The following NDUFB5 variants were observed in gnomAD, a reference collection of about 807,000 sequenced individuals.
NDUFB5 encodes the protein NADH:ubiquinone oxidoreductase subunit B5.
Under a neutral mutation model 19.4 loss-of-function variants are expected in NDUFB5, and 19 were observed. The observed-to-expected ratio is 0.98, with a 90% CI of 0.68 to 1.43. The LOEUF (loss-of-function observed/expected upper bound fraction) is 1.43. NDUFB5 is among the 40% of genes most tolerant of loss of function. The pLI is 0.00. For synonymous variants in NDUFB5, 80 were observed against 82.6 expected (o/e 0.97, Z 0.17); for missense variants, 233 against 236.5 (o/e 0.99, Z 0.10).
intron 3 of NDUFB5, among the ~76,000 whole-genome samples, chr3:179,616,485 T>C (rs1293011623): frequency 6.6e-6 from 1 of 151,980 alleles, no homozygotes; most frequent in Non-Finnish European, 1.5e-5. Flanking sequence ...GAGGTTGCAG[T>C]GAGCTGAGAT....
chr3:179,615,381 T>C (rs1044530900), intron 2 of NDUFB5: 3 of 257,288 alleles, frequency 1.2e-5, no homozygotes, highest in Non-Finnish European at 2.4e-5. Context: ...AAAGAACTTG[T>C]TGAAAGACTT....
Position 179,618,440 on chromosome 3 carries a change from G to T in NDUFB5, c.368G>T (p.Arg123Leu). The T allele has an allele frequency of 6.2e-7, 1 of 1,608,308 alleles. No individual in the cohort carries two copies. Among genetic ancestry groups the T allele is most frequent in the Non-Finnish European group, 8.5e-7 (1 of 1,177,964 alleles). The part of the protein sequence containing the change: ...YKHPISRWIA[R>L]NFYDSPEKIY... ...CATCCCATATCAAGATGGATTGCCCGTAATTTCTATGATAGTCCTGAAAAG... is the reference window on the plus strand; with the variant it reads ...CATCCCATATCAAGATGGATTGCCCTTAATTTCTATGATAGTCCTGAAAAG... Residue 123 changes from arginine (R) to leucine (L), a missense_variant, in exon 5 of 6, where the codon CGT becomes CTT. By Grantham distance (102) the Arg-to-Leu change is moderately radical. Transcript: ENST00000259037.
rs1177504564 is a variant in NDUFB5, at chr3:179,618,533, G to A, written c.449+12G>A. ...AAGGCTGAATTACGGTAGGAAAAAC[G>A]AGGGGGTAGGTGGGAAAGAAAATCT... is the stretch of plus-strand genomic sequence containing the variant. On this transcript the variant is annotated intron_variant, in intron 5 of 5. Coordinates refer to ENST00000259037, the MANE Select transcript of NDUFB5 (RefSeq NM_002492.4). The A allele has an allele frequency of 1.1e-5, 18 of 1,570,564 alleles. No individual in the cohort carries two copies. Among genetic ancestry groups the A allele is most frequent in the Non-Finnish European group, 1.6e-5 (18 of 1,144,832 alleles).
At position 179,627,027 on chromosome 3, in the gene NDUFB5, T is replaced by C. The variant is rs1042842619; in HGVS notation, c.*2987T>C. 3 of 152,148 alleles carry C rather than the reference T, an allele frequency of 2.0e-5. No homozygotes were observed. Among genetic ancestry groups the C allele is most frequent in the South Asian group, 2.1e-4 (1 of 4,826 alleles). The allele number at this position is 152,148 out of a possible 1,614,324, so 9.4% of individuals were successfully genotyped here. The stretch of plus-strand genomic sequence containing the variant: ...AGTTCTGCAGACTGTACAGGAAGCA[T>C]GGCACCAGCATTGCTTGGCTTCTGG... On this transcript the variant is annotated 3_prime_UTR_variant, in exon 6 of 6. Coordinates refer to ENST00000259037, the MANE Select transcript of NDUFB5 (RefSeq NM_002492.4).
At position 179,604,937 on chromosome 3, in the gene NDUFB5, C is replaced by T. The variant is rs775577787; in HGVS notation, c.122C>T (p.Ala41Val). The T allele has an allele frequency of 1.3e-6, 2 of 1,581,378 alleles. No homozygotes were observed. Among genetic ancestry groups the T allele is most frequent in the Non-Finnish European group, 1.7e-6 (2 of 1,168,884 alleles). Reference sequence around the variant, plus strand: ...CTCACTCGTGGCTTTCCGAAGGCTGCTGGTGGGTGCTGGCCTAGGGAGAAC... The same window carrying T: ...CTCACTCGTGGCTTTCCGAAGGCTGTTGGTGGGTGCTGGCCTAGGGAGAAC... The part of the protein sequence containing the change: ...GFLTRGFPKA[A>V]APVRHSGDHG... The change falls in exon 1 of 6, where the codon GCT (alanine) becomes GTT (valine). Residue 41 changes from alanine (A) to valine (V), a missense_variant and splice_region_variant. By Grantham distance (64) the Ala-to-Val change is moderately conservative (BLOSUM62 0). Coordinates refer to ENST00000259037, the MANE Select transcript of NDUFB5 (RefSeq NM_002492.4).
chr3:179,604,871 C>G lies in NDUFB5; in HGVS notation c.56C>G (p.Ser19Cys), dbSNP rs951408761. 3.1e-6 allele frequency: 5 copies of G among 1,594,614 alleles called. No individual in the cohort carries two copies. The highest frequency in any genetic ancestry group is 4.3e-6 in the Non-Finnish European group (5 of 1,175,158). ...TCGGTTACTGCGGTGGCAGCTCTGT[C>G]TGGCCGGCCCCTTGGCACTCGCCTC... ...RVSVTAVAALSGRPLGTRLGF... is the reference protein window; with the variant it reads ...RVSVTAVAALCGRPLGTRLGF... The change falls in exon 1 of 6, where the codon TCT becomes TGT. Residue 19 changes from serine to cysteine, a missense_variant. Coordinates refer to ENST00000259037, the MANE Select transcript of NDUFB5 (RefSeq NM_002492.4).
intron 1 of NDUFB5, among the ~76,000 whole-genome samples, chr3:179,610,415 G>A (rs184735716): frequency 4.3e-4 from 66 of 152,188 alleles, no homozygotes; most frequent in Non-Finnish European, 7.8e-4. Flanking sequence ...GGATTGTTTG[G>A]TTTGTTGTTG....
At position 179,615,070 on chromosome 3, in the gene NDUFB5, A is replaced by G. The variant is rs780389282; in HGVS notation, c.213+11A>G. 1 of 1,587,206 alleles carries G rather than the reference A, an allele frequency of 6.3e-7. No individual in the cohort carries two copies. Among genetic ancestry groups the G allele is most frequent in the Admixed American group, 1.7e-5 (1 of 59,006 alleles). Reference sequence around the variant, plus strand: ...TTTTTGAAGTTATTGGTAAGTTTAAATTTTTTGTTGAATTAAAGTCTTTGC... The same window carrying G: ...TTTTTGAAGTTATTGGTAAGTTTAAGTTTTTTGTTGAATTAAAGTCTTTGC... On this transcript the variant is annotated intron_variant, in intron 2 of 5. Transcript: ENST00000259037.
intron 4 of NDUFB5, 133 bp downstream of exon 4, chr3:179,617,177 GC>G (rs1350173282): frequency 3.2e-6 from 2 of 615,844 alleles, no homozygotes; most frequent in Non-Finnish European, 5.4e-6. Context: ...TCGCTCTGTT[GC>G]CCAGGCTGGA....
At chr3:179,615,248 C>T in intron 2 of NDUFB5, 189 bp downstream of exon 2, 1 of 376,334 alleles carries the variant, frequency 2.7e-6, no homozygotes, top group Non-Finnish European at 4.9e-6. Flanking sequence ...GTGAAGCTTT[C>T]CTTCTTCACA....
intron 1 of NDUFB5, among the ~76,000 whole-genome samples, chr3:179,613,478 A>G (rs1719299518): frequency 6.6e-6 from 1 of 152,190 alleles, no homozygotes; most frequent in Admixed American, 6.5e-5. Context: ...CTTAGACCGT[A>G]TATAGTTCTA....
At chr3:179,615,569 A>G (rs1457623726) in intron 2 of NDUFB5, 4 of 462,826 alleles carry the variant, frequency 8.6e-6, no homozygotes, top group East Asian at 6.8e-5. Flanking sequence ...CTATACGAAC[A>G]AAGTAGAGGC....
intron 1 of NDUFB5, among the ~76,000 whole-genome samples, chr3:179,609,171 T>C (rs1576877446): frequency 1.3e-5 from 2 of 152,296 alleles, no homozygotes; most frequent in East Asian, 3.9e-4. Context: ...TCTGTGAACA[T>C]GGATATACAA....
chr3:179,624,066 A>G lies in NDUFB5; in HGVS notation c.*26A>G, dbSNP rs1719605976. The G allele has an allele frequency of 6.3e-7, 1 of 1,587,898 alleles. No individual in the cohort carries two copies. Among genetic ancestry groups the G allele is most frequent in the African/African-American group, 1.4e-5 (1 of 73,858 alleles). Reference sequence around the variant, plus strand: ...GCATTTTTTTCTCCAAATACAAAGTATATTCTCTTTATTGGAAAATAAATT... The same window carrying G: ...GCATTTTTTTCTCCAAATACAAAGTGTATTCTCTTTATTGGAAAATAAATT... On this transcript the variant is annotated 3_prime_UTR_variant, in exon 6 of 6. Transcript: ENST00000259037.
In NDUFB5 at chr3:179,615,003, A is replaced by C; in HGVS notation, c.157A>C (p.Arg53=). 1 of 1,610,262 alleles carries C rather than the reference A, an allele frequency of 6.2e-7. No individual in the cohort carries two copies. The highest frequency in any genetic ancestry group is 8.5e-7 in the Non-Finnish European group (1 of 1,177,434). ...PVRHSGDHGK[R]LFVIRPSRFY... The stretch of plus-strand genomic sequence containing the variant: ...TCGACACAGTGGAGACCATGGGAAA[A>C]GACTATTTGTCATCAGACCTTCTAG... Residue 53 remains arginine, a synonymous_variant, in exon 2 of 6, where the codon AGA becomes CGA. Transcript: ENST00000259037.
chr3:179,613,340 C>T (rs183300791), intron 1 of NDUFB5, among the ~76,000 whole-genome samples: 4 of 152,170 alleles, frequency 2.6e-5, no homozygotes, highest in Admixed American at 6.5e-5. Flanking sequence ...CTCTTCCCAA[C>T]CCCCCCATCT....
rs996385247 is a variant in NDUFB5 at position 179,606,551 on chromosome 3, G to T, written c.124+1612G>T. Among the ~76,000 whole-genome samples, 4 of 152,224 alleles carry T rather than the reference G, an allele frequency of 2.6e-5. No homozygotes were observed. In the South Asian group the frequency reaches 8.3e-4, roughly 32 times the overall value. ...GATGGGGTTTCATCATGTTGGCTAG[G>T]CTGGTCTCGAACTCCTGACCTCGTG... On this transcript the variant is annotated intron_variant, in intron 1 of 5. Transcript: ENST00000259037.
At chr3:179,618,851 C>T (rs1254465536) in intron 5 of NDUFB5, among the ~76,000 whole-genome samples, 1 of 148,474 alleles carries the variant, frequency 6.7e-6, no homozygotes, top group African/African-American at 2.5e-5. Flanking sequence ...ACTCCGTCTC[C>T]AAAGGAAAAA....
At chr3:179,613,847 C>T (rs1487246673) in intron 1 of NDUFB5, among the ~76,000 whole-genome samples, 4 of 151,946 alleles carry the variant, frequency 2.6e-5, no homozygotes, top group Non-Finnish European at 4.4e-5. Flanking sequence ...GTCACAATAA[C>T]GTACAGTAAT....
Sources: gnomAD v4.1 joint callset for allele counts (sites outside exome capture counted in the v4.1 genomes callset) on GRCh38, gnomAD v4.1.1 for gene constraint, MANE v1.5 for transcripts, NCBI Gene and HGNC (gene_info 2026-07-23, HGNC 2026-07-21) for gene names.